FOCAD: variants seen among roughly 807,000 people sequenced by gnomAD.
FOCAD encodes focadhesin, also known as KIAA1797.
Under a neutral mutation model 225.6 loss-of-function variants are expected in FOCAD, and 198 were observed. The observed-to-expected ratio is 0.88, with a 90% confidence interval of 0.78 to 0.99. The LOEUF is 0.99. Ranked by LOEUF, FOCAD falls within the 50% of genes least tolerant of loss-of-function variation. The pLI is 0.00. For missense variants in FOCAD, 2,713 were observed against 2,123.6 expected (o/e 1.28, Z -5.46); for synonymous variants, 897 against 755.0 (o/e 1.19, Z -3.08).
intron 15 of FOCAD, among the ~76,000 whole-genome samples, chr9:20,833,995 A>G (rs1825753586): frequency 6.6e-6 from 1 of 152,130 alleles, no homozygotes; most frequent in Non-Finnish European, 1.5e-5. Context: ...CTAGATACTT[A>G]CCCAAGTAAA....
At chr9:20,753,520 A>T (rs1288256702) in intron 5 of FOCAD, among the ~76,000 whole-genome samples, 1 of 151,920 alleles carries the variant, frequency 6.6e-6, no homozygotes. Context: ...CCACTTGATC[A>T]TGGTGGATAA....
intron 35 of FOCAD, among the ~76,000 whole-genome samples, chr9:20,971,448 T>C (rs1275083465): frequency 6.6e-6 from 1 of 152,074 alleles, no homozygotes; most frequent in Non-Finnish European, 1.5e-5. Flanking sequence ...TTATTTTTTT[T>C]GGTGGGGGAG....
intron 15 of FOCAD, among the ~76,000 whole-genome samples, chr9:20,829,355 G>A (rs1825255695): frequency 6.6e-6 from 1 of 151,884 alleles, no homozygotes; most frequent in African/African-American, 2.4e-5. Flanking sequence ...GTATAAACTT[G>A]TGGTTTTGAT....
intron 15 of FOCAD, among the ~76,000 whole-genome samples, chr9:20,828,794 C>G (rs181725335): frequency 6.6e-6 from 1 of 152,050 alleles, no homozygotes; most frequent in African/African-American, 2.4e-5. Flanking sequence ...CCCCGCAACC[C>G]CTCCCCTGAC....
rs1328588765 is a variant in FOCAD at position 20,993,307 on chromosome 9, C to T, written c.5311C>T (p.Gln1771Ter). Residue 1771 changes from glutamine to a stop codon, truncating the protein, a stop_gained, in exon 43 of 44, where the codon CAG becomes TAG. Transcript: ENST00000338382. LOFTEE classifies it high-confidence loss of function. ...MESPKEALSA[Q>*]SRDLLKATLL... ...AAGCCCTAAAGAAGCCCTCTCAGCACAGTCCAGGGATCTTTTGAAAGGTAT... is the reference window on the plus strand; with the variant it reads ...AAGCCCTAAAGAAGCCCTCTCAGCATAGTCCAGGGATCTTTTGAAAGGTAT... 1.2e-6 allele frequency: 2 copies of T among 1,613,804 alleles called. No individual in the cohort carries two copies. Among genetic ancestry groups the T allele is most frequent in the Admixed American group, 3.3e-5 (2 of 60,016 alleles).
chr9:20,768,671 A>G (rs1189046273), intron 7 of FOCAD, among the ~76,000 whole-genome samples: 1 of 152,210 alleles, frequency 6.6e-6, no homozygotes, highest in East Asian at 1.9e-4. Flanking sequence ...AAATTTTAAA[A>G]TACAAGCTTT....
intron 30 of FOCAD, among the ~76,000 whole-genome samples, chr9:20,947,200 A>G (rs1837264939): frequency 6.6e-6 from 1 of 152,200 alleles, no homozygotes; most frequent in African/African-American, 2.4e-5. Flanking sequence ...GTCAAACTTC[A>G]GAAAATTCAA....
chr9:20,655,654 A>G (rs143216310), upstream of FOCAD, among the ~76,000 whole-genome samples: 3 of 152,156 alleles, frequency 2.0e-5, no homozygotes, highest in African/African-American at 7.2e-5. Flanking sequence ...GTGTCTATTA[A>G]ATTCTTCTCT....
intron 15 of FOCAD, among the ~76,000 whole-genome samples, chr9:20,858,592 C>T (rs556069553): frequency 3.4e-4 from 52 of 151,882 alleles, no homozygotes; most frequent in African/African-American, 1.2e-3. Flanking sequence ...TTTCAGTGTT[C>T]GTTTATTTCT....
chr9:20,807,617 C>A (rs996937584), intron 11 of FOCAD, among the ~76,000 whole-genome samples: 2 of 152,168 alleles, frequency 1.3e-5, no homozygotes, highest in African/African-American at 4.8e-5. Flanking sequence ...ATTTTACACC[C>A]ACTGTACATC....
intron 26 of FOCAD, among the ~76,000 whole-genome samples, chr9:20,928,209 G>C (rs1835140641): frequency 6.6e-6 from 1 of 151,968 alleles, no homozygotes; most frequent in African/African-American, 2.4e-5. Context: ...CTCTTTACTA[G>C]TCAGCTCTGA....
chr9:20,677,381 C>T (rs1822265225), intron 2 of FOCAD, among the ~76,000 whole-genome samples: 1 of 152,060 alleles, frequency 6.6e-6, no homozygotes, highest in Admixed American at 6.5e-5. Context: ...GGGATTGCAT[C>T]AAACCAAAAA....
intron 10 of FOCAD, among the ~76,000 whole-genome samples, 188 bp from the exon 11 acceptor site, chr9:20,789,163 A>G (rs1332178045): frequency 6.6e-6 from 1 of 151,734 alleles, no homozygotes; most frequent in Non-Finnish European, 1.5e-5. Context: ...CCATCTAACA[A>G]CTCTTTTCTC....
chr9:20,976,222 A>T (rs1473473658), intron 35 of FOCAD, 198 bp from the exon 36 acceptor site: 2 of 319,944 alleles, frequency 6.3e-6, no homozygotes, highest in African/African-American at 2.1e-5. Flanking sequence ...AAAATTTTTT[A>T]AAAAGAGAAG....
rs191956856 is a variant in FOCAD at position 20,792,747 on chromosome 9, T to C, written c.1455+3139T>C. ...CAGAGCTTCAATTTTTTTCCATGTG[T>C]AAAAGTGTACACATTTGATCCATTT... On this transcript the variant is annotated intron_variant, in intron 11 of 43. Coordinates refer to ENST00000338382, the MANE Select transcript of FOCAD (RefSeq NM_001375567.1). Among the ~76,000 whole-genome samples the C allele has an allele frequency of 1.3e-3, 201 of 152,314 alleles. 1 individual carries two copies. Among genetic ancestry groups the C allele is most frequent in the Non-Finnish European group, 2.5e-3 (167 of 68,022 alleles).
intron 5 of FOCAD, 54 bp downstream of exon 5, chr9:20,740,394 A>T: frequency 6.1e-6 from 6 of 983,326 alleles, no homozygotes; most frequent in Non-Finnish European, 7.8e-6. Context: ...TAATGAAATT[A>T]TTAACTGTGA....
Position 20,866,917 on chromosome 9 carries a change from T to TTTACCA in FOCAD, c.2107-12_2107-11insTTACCA. 1.3e-6 allele frequency: 1 copy of TTTACCA among 764,972 alleles called. No individual in the cohort carries two copies. The highest frequency in any genetic ancestry group is 2.0e-6 in the Non-Finnish European group (1 of 498,468). The allele number at this position is 764,972 out of a possible 1,614,324, so 47.4% of individuals were successfully genotyped here. A position where few individuals can be genotyped will look rare whatever the true frequency, so the allele number is the denominator to read the frequency against. ...TTTTTTTTTTTTTTTTTTTTTTTTT[T>TTTACCA]ACCCTATCTAGGACCCAATTGTAGC... On this transcript the variant is annotated splice_polypyrimidine_tract_variant and intron_variant, in intron 17 of 43. Transcript: ENST00000338382.
chr9:20,748,053 T>TG (rs952183050), intron 5 of FOCAD, among the ~76,000 whole-genome samples: 12 of 151,972 alleles, frequency 7.9e-5, no homozygotes, highest in Admixed American at 7.2e-4. Context: ...ATTTTGCTTT[T>TG]GGGGGGTTGA....
At chr9:20,705,953 T>TTA (rs1269397908) in intron 1 of FOCAD, among the ~76,000 whole-genome samples, 6 of 129,756 alleles carry the variant, frequency 4.6e-5, no homozygotes, top group African/African-American at 1.8e-4. Context: ...TTTTTTTTTT[T>TTA]AAACAGTGGC....
Sources: allele counts gnomAD v4.1 joint callset (sites outside exome capture counted in the v4.1 genomes callset), GRCh38; gene constraint gnomAD v4.1.1; transcripts MANE v1.5; gene names NCBI Gene and HGNC (gene_info 2026-07-23, HGNC 2026-07-21).